The following INSR variants were observed in gnomAD, a reference collection of about 807,000 sequenced individuals.
The protein encoded by INSR is IR.
In INSR, 67 loss-of-function variants were observed where a neutral mutation model predicts 142.6. That is an observed-to-expected ratio of 0.47 (90% CI 0.39 to 0.58). The LOEUF (loss-of-function observed/expected upper bound fraction) is 0.58. Ranked by LOEUF, INSR falls within the 20% of genes least tolerant of loss-of-function variation. INSR has a pLI of 0.00. For synonymous variants in INSR, 756 were observed against 743.1 expected (o/e 1.02, Z -0.28); for missense variants, 1,248 against 1,833.2 (o/e 0.68, Z 5.83).
At chr19:7,151,715 A>G (rs1973367494) in intron 10 of INSR, among the ~76,000 whole-genome samples, 1 of 152,112 alleles carries the variant, frequency 6.6e-6, no homozygotes. Flanking sequence ...AAAAAAAAAA[A>G]AGAGGATTCT....
At chr19:7,205,121 G>C (rs954146753) in intron 2 of INSR, among the ~76,000 whole-genome samples, 4 of 152,176 alleles carry the variant, frequency 2.6e-5, no homozygotes, top group African/African-American at 9.6e-5. Flanking sequence ...ACCTCCTGTT[G>C]CTTGTCCCAT....
intron 2 of INSR, among the ~76,000 whole-genome samples, chr19:7,223,149 C>T (rs1975673396): frequency 6.6e-6 from 1 of 152,160 alleles, no homozygotes; most frequent in African/African-American, 2.4e-5. Context: ...CGCCACTGCA[C>T]TCCAGCGTGG....
intron 2 of INSR, among the ~76,000 whole-genome samples, chr19:7,213,648 G>A (rs1975347879): frequency 2.0e-5 from 3 of 152,160 alleles, no homozygotes; most frequent in African/African-American, 4.8e-5. Flanking sequence ...AACAACTCAC[G>A]TCCAGCAGAG....
intron 1 of INSR, among the ~76,000 whole-genome samples, chr19:7,284,766 G>A (rs1968302556): frequency 6.6e-6 from 1 of 152,126 alleles, no homozygotes; most frequent in African/African-American, 2.4e-5. Flanking sequence ...CTGACCTCGT[G>A]ATCCACTCGC....
At chr19:7,232,252 C>A (rs1388941222) in intron 2 of INSR, among the ~76,000 whole-genome samples, 1 of 152,030 alleles carries the variant, frequency 6.6e-6, no homozygotes, top group Non-Finnish European at 1.5e-5. Context: ...CCTTCTGTCA[C>A]CCCGGCTGGA....
At chr19:7,126,786 G>A in intron 15 of INSR, 135 bp from the exon 16 acceptor site, 1 of 803,436 alleles carries the variant, frequency 1.2e-6, no homozygotes, top group South Asian at 1.5e-5. Context: ...GCAGTCTAGG[G>A]CAGGGATGGG....
chr19:7,219,786 T>C (rs1367464878), intron 2 of INSR, among the ~76,000 whole-genome samples: 1 of 152,212 alleles, frequency 6.6e-6, no homozygotes, highest in African/African-American at 2.4e-5. Context: ...AATGATGTCA[T>C]GGGGACCCCA....
chr19:7,268,026 A>C (rs1470035847), intron 1 of INSR, 130 bp from the exon 2 acceptor site: 42 of 796,594 alleles, frequency 5.3e-5, no homozygotes, highest in Non-Finnish European at 8.3e-5. Flanking sequence ...CGGGCCCTGT[A>C]AACTCTGCAG....
intron 2 of INSR, among the ~76,000 whole-genome samples, chr19:7,196,660 A>G (rs1160992636): frequency 6.6e-6 from 1 of 152,174 alleles, no homozygotes; most frequent in African/African-American, 2.4e-5. Context: ...AGAAACCACC[A>G]TTAAATGATT....
intron 1 of INSR, among the ~76,000 whole-genome samples, chr19:7,292,084 C>CA (rs1370298315): frequency 5.8e-4 from 11 of 18,930 alleles, no homozygotes; most frequent in Non-Finnish European, 2.1e-3. Context: ...TGAGCCACCA[C>CA]GCCCCGCCTT....
intron 2 of INSR, among the ~76,000 whole-genome samples, chr19:7,246,010 G>A (rs572358933): frequency 2.4e-4 from 36 of 152,102 alleles, no homozygotes; most frequent in Admixed American, 4.6e-4. Context: ...ATCATTTAAT[G>A]TCCTCAGTCA....
chr19:7,164,925 T>C (rs12975950), intron 8 of INSR, among the ~76,000 whole-genome samples: 27,670 of 150,726 alleles, frequency 0.18, 2,787 homozygotes, highest in East Asian at 0.23. Context: ...GGTCAAGAGA[T>C]TGAGACCATC....
intron 2 of INSR, among the ~76,000 whole-genome samples, chr19:7,235,780 G>A (rs1212383781): frequency 1.3e-5 from 2 of 151,772 alleles, no homozygotes; most frequent in African/African-American, 4.8e-5. Flanking sequence ...CAGGAGTTCA[G>A]GGCTGCAGTG....
At chr19:7,224,226 G>A (rs1975708799) in intron 2 of INSR, among the ~76,000 whole-genome samples, 1 of 146,696 alleles carries the variant, frequency 6.8e-6, no homozygotes. Context: ...ACAGGAGTGA[G>A]CTACCACACC....
chr19:7,238,715 G>A (rs551883668), intron 2 of INSR, among the ~76,000 whole-genome samples: 2 of 150,696 alleles, frequency 1.3e-5, no homozygotes, highest in Non-Finnish European at 2.9e-5. Context: ...AGAATCACAA[G>A]GGTCCAGGCC....
In INSR at chr19:7,128,961, T is replaced by C. The variant is rs1267642707; in HGVS notation, c.2843-7A>G. ...ATATTTGACGGGACGTCTACTGAAA[T>C]AGAATAAGAAAATATATGTTTCATA... On this transcript the variant is annotated splice_region_variant and splice_polypyrimidine_tract_variant and intron_variant, in intron 14 of 21. Transcript: ENST00000302850. 2 of 1,586,668 alleles carry C rather than the reference T, an allele frequency of 1.3e-6. No individual in the cohort carries two copies. Among genetic ancestry groups the C allele is most frequent in the Non-Finnish European group, 1.7e-6 (2 of 1,155,108 alleles).
intron 2 of INSR, among the ~76,000 whole-genome samples, chr19:7,222,265 A>C (rs1047882957): frequency 1.3e-5 from 2 of 152,046 alleles, no homozygotes; most frequent in Non-Finnish European, 2.9e-5. Context: ...CCTGTATGGA[A>C]ATTCCTGGCC....
intron 9 of INSR, among the ~76,000 whole-genome samples, chr19:7,153,140 A>ACACAC (rs1396921641): frequency 6.9e-6 from 1 of 145,912 alleles, no homozygotes; most frequent in East Asian, 2.1e-4. Context: ...CACACACCAC[A>ACACAC]CACACCACAC....
rs71177162 is a variant in INSR at position 7,149,936 on chromosome 19, A to AGAAGGAAGGAAGGAAGGAAG, written c.2267+541_2267+560dup. Among the ~76,000 whole-genome samples the AGAAGGAAGGAAGGAAGGAAG allele has an allele frequency of 2.4e-3, 353 of 144,254 alleles. 2 individuals are homozygous for AGAAGGAAGGAAGGAAGGAAG. The highest frequency in any genetic ancestry group is 8.2e-3 in the African/African-American group (319 of 38,740). The allele number at this position is 144,254 out of a possible 152,430, so 94.6% of individuals were successfully genotyped here. On this transcript the variant is annotated intron_variant, in intron 11 of 21. Coordinates refer to ENST00000302850, the MANE Select transcript of INSR (RefSeq NM_000208.4). ...AAGAAAGAAAGAAGGAAAAAAAGAA[A>AGAAGGAAGGAAGGAAGGAAG]GAAGGAAGGAAGGAAGGAAGGAAGG...
Sources: allele counts gnomAD v4.1 joint callset (sites outside exome capture counted in the v4.1 genomes callset), GRCh38; gene constraint gnomAD v4.1.1; transcripts MANE v1.5; gene names NCBI Gene and HGNC (gene_info 2026-07-23, HGNC 2026-07-21).